The following NAV3 variants were observed in gnomAD, a reference collection of about 807,000 sequenced individuals.
NAV3 encodes the protein neuron navigator 3.
Under a neutral mutation model 244.7 loss-of-function variants are expected in NAV3, and 87 were observed. The observed-to-expected ratio is 0.36, with a 90% confidence interval of 0.30 to 0.42. The LOEUF is 0.42. NAV3 is among the 20% of genes least tolerant of loss of function. The pLI is 1.00. For synonymous variants in NAV3, 1,126 were observed against 1,042.2 expected, an observed-to-expected ratio of 1.08 and a Z score of -1.55; for missense variants, 2,663 against 2,893.3, an observed-to-expected ratio of 0.92 and a Z score of 1.83.
intron 2 of NAV3, among the ~76,000 whole-genome samples, chr12:77,713,836 C>T (rs558247992): frequency 6.6e-6 from 1 of 152,150 alleles, no homozygotes; most frequent in East Asian, 1.9e-4. Context: ...TTACCAGTTT[C>T]TTGGTTATTG....
chr12:77,881,741 G>T (rs1345680176), intron 1 of NAV3, among the ~76,000 whole-genome samples: 1 of 152,072 alleles, frequency 6.6e-6, no homozygotes, highest in Non-Finnish European at 1.5e-5. Context: ...AGGATAGAAA[G>T]TCAATGTACA....
intron 16 of NAV3, 29 bp from the exon 17 acceptor site, chr12:78,127,138 G>A: frequency 6.2e-7 from 1 of 1,609,322 alleles, no homozygotes; most frequent in Non-Finnish European, 8.5e-7. Context: ...TTTACATTAT[G>A]TCCTTAGGGG....
chr12:78,126,926 A>G (rs1413623264), intron 16 of NAV3, among the ~76,000 whole-genome samples: 2 of 152,158 alleles, frequency 1.3e-5, no homozygotes, highest in Admixed American at 1.3e-4. Flanking sequence ...GATTTAATCT[A>G]TTTTCTAGTA....
chr12:77,958,453 G>A (rs1293059200), intron 3 of NAV3, among the ~76,000 whole-genome samples: 5 of 152,014 alleles, frequency 3.3e-5, no homozygotes, highest in Admixed American at 2.0e-4. Context: ...TAAGTATATA[G>A]GTAGAAACTA....
chr12:77,784,719 G>C (rs1239185522), intron 2 of NAV3, among the ~76,000 whole-genome samples: 2 of 152,124 alleles, frequency 1.3e-5, no homozygotes, highest in Non-Finnish European at 2.9e-5. Context: ...TCAGATATAA[G>C]TATTAGAAGT....
intron 16 of NAV3, 73 bp from the exon 17 acceptor site, chr12:78,127,094 C>T: frequency 2.7e-6 from 4 of 1,475,268 alleles, no homozygotes; most frequent in South Asian, 1.2e-5. Flanking sequence ...GTTCAGAGAA[C>T]CATTTTTGTT....
At position 77,912,908 on chromosome 12, in the gene NAV3, T is replaced by A. The variant is rs112202704; in HGVS notation, c.244-27411T>A. Among the ~76,000 whole-genome samples, 1,004 of 152,230 alleles carry A rather than the reference T, an allele frequency of 6.6e-3. 10 individuals are homozygous for A. The highest frequency in any genetic ancestry group is 0.023 in the African/African-American group (967 of 41,554). On this transcript the variant is annotated intron_variant, in intron 1 of 39. Coordinates refer to ENST00000397909, the MANE Select transcript of NAV3 (RefSeq NM_001024383.2). ...ATTACAGATGTGAGCCATGCCGTTT[T>A]ACATGCATTTTTCAAGAACTGAGAA...
At chr12:78,126,093 T>G (rs1185546957) in intron 16 of NAV3, among the ~76,000 whole-genome samples, 4 of 152,226 alleles carry the variant, frequency 2.6e-5, no homozygotes, top group African/African-American at 2.4e-5. Flanking sequence ...ACATATATAC[T>G]GTAACTGGCC....
intron 29 of NAV3, among the ~76,000 whole-genome samples, chr12:78,180,363 T>C (rs1468852073): frequency 2.0e-5 from 3 of 152,072 alleles, no homozygotes; most frequent in African/African-American, 7.2e-5. Flanking sequence ...TTTATGAGCT[T>C]AGTGTCCCGA....
intron 2 of NAV3, among the ~76,000 whole-genome samples, chr12:77,806,584 C>T (rs1871991531): frequency 6.6e-6 from 1 of 152,030 alleles, no homozygotes; most frequent in South Asian, 2.1e-4. Context: ...TTTTACTTCC[C>T]ATTATGTGGT....
chr12:78,198,878 A>T (rs1959287774), intron 36 of NAV3, among the ~76,000 whole-genome samples: 1 of 149,872 alleles, frequency 6.7e-6, no homozygotes. Context: ...ACGTTTTGTG[A>T]TCTTCAACCT....
chr12:77,648,748 TG>T (rs1253459534), intron 2 of NAV3, among the ~76,000 whole-genome samples: 1 of 152,174 alleles, frequency 6.6e-6, no homozygotes, highest in Non-Finnish European at 1.5e-5. Flanking sequence ...CTTTTAAGAT[TG>T]TTTTTAATGG....
At chr12:77,606,653 G>T (rs1870683653) in intron 2 of NAV3, among the ~76,000 whole-genome samples, 1 of 152,094 alleles carries the variant, frequency 6.6e-6, no homozygotes, top group Admixed American at 6.6e-5. Flanking sequence ...AACCCCATGA[G>T]AAATGTCTTC....
intron 2 of NAV3, among the ~76,000 whole-genome samples, chr12:77,595,591 T>C (rs1166280074): frequency 6.6e-6 from 1 of 152,202 alleles, no homozygotes; most frequent in Admixed American, 6.6e-5. Context: ...TTAGCTTGAC[T>C]GTAGTAATCA....
chr12:77,672,088 G>C (rs1874004471), intron 2 of NAV3, among the ~76,000 whole-genome samples: 1 of 152,056 alleles, frequency 6.6e-6, no homozygotes, highest in African/African-American at 2.4e-5. Flanking sequence ...ATCAAAAAAT[G>C]GGCTAAGGAC....
At chr12:77,711,362 A>G (rs1236310757) in intron 2 of NAV3, among the ~76,000 whole-genome samples, 2 of 152,184 alleles carry the variant, frequency 1.3e-5, no homozygotes, top group African/African-American at 4.8e-5. Context: ...CTAGTCCCAT[A>G]GGAAATTCCC....
chr12:77,844,850 T>A (rs1158163065), intron 1 of NAV3, among the ~76,000 whole-genome samples: 1 of 152,208 alleles, frequency 6.6e-6, no homozygotes, highest in East Asian at 1.9e-4. Context: ...TGGCCTGAAT[T>A]GGAGTCCTTT....
At chr12:77,873,871 C>T (rs543457259) in intron 1 of NAV3, among the ~76,000 whole-genome samples, 181 of 149,844 alleles carry the variant, frequency 1.2e-3, no homozygotes, top group African/African-American at 4.1e-3. Flanking sequence ...TAACCTAGCC[C>T]AGGGGTCCCC....
chr12:78,151,794 C>T (rs2139280216), intron 22 of NAV3, among the ~76,000 whole-genome samples: 1 of 151,256 alleles, frequency 6.6e-6, no homozygotes, highest in South Asian at 2.1e-4. Context: ...GATATATAAT[C>T]ATTGGGGGAA....
Sources: allele counts gnomAD v4.1 joint callset (sites outside exome capture counted in the v4.1 genomes callset), GRCh38; gene constraint gnomAD v4.1.1; transcripts MANE v1.5; gene names NCBI Gene and HGNC (gene_info 2026-07-23, HGNC 2026-07-21).